Variants in POC1A observed in about 807,000 individuals in gnomAD.
POC1A encodes POC1 centriolar protein homolog A.
In POC1A, 34 loss-of-function variants were observed where a neutral mutation model predicts 47.8. That is an observed-to-expected ratio of 0.71 (90% CI 0.54 to 0.95). The LOEUF is 0.95. Ranked by LOEUF, POC1A falls within the 40% of genes least tolerant of loss-of-function variation. The pLI is 0.00. For missense variants in POC1A, 466 were observed against 528.3 expected, an observed-to-expected ratio of 0.88 and a Z score of 1.16; for synonymous variants, 177 against 207.6, an observed-to-expected ratio of 0.85 and a Z score of 1.27.
At position 52,147,060 on chromosome 3, in the gene POC1A, C is replaced by T. The variant is rs1034639666; in HGVS notation, c.491G>A (p.Ser164Asn). Residue 164 changes from serine to asparagine, a missense_variant, in exon 5 of 11, where the codon AGT becomes AAT. Physicochemically the swap from Ser to Asn is conservative, Grantham distance 46. Transcript: ENST00000296484. ...CCACAGCTTAACAGTCTTGTCATCACTGGCAGACACGATGAGCCGCCCGTC... is the reference window on the plus strand; with the variant it reads ...CCACAGCTTAACAGTCTTGTCATCATTGGCAGACACGATGAGCCGCCCGTC... ...SPDGRLIVSA[S>N]DDKTVKLWDK... 2 of 1,614,174 alleles carry T rather than the reference C, an allele frequency of 1.2e-6. No homozygotes were observed. Among genetic ancestry groups the T allele is most frequent in the Non-Finnish European group, 1.7e-6 (2 of 1,180,030 alleles).
At chr3:52,132,487 C>T (rs113458313) in intron 7 of POC1A, among the ~76,000 whole-genome samples, 1 of 152,218 alleles carries the variant, frequency 6.6e-6, no homozygotes, top group Non-Finnish European at 1.5e-5. Context: ...AAAGGTGACC[C>T]ATACAGGCTC....
intron 9 of POC1A, among the ~76,000 whole-genome samples, chr3:52,097,609 C>T (rs1702865760): frequency 6.6e-6 from 1 of 152,198 alleles, no homozygotes. Flanking sequence ...GAATGTGGTT[C>T]AGCACATGGA....
intron 9 of POC1A, among the ~76,000 whole-genome samples, chr3:52,101,452 C>G (rs1181279860): frequency 6.6e-6 from 1 of 152,020 alleles, no homozygotes; most frequent in Admixed American, 6.5e-5. Context: ...ACTCAGATGA[C>G]CTAGATGTTG....
intron 9 of POC1A, among the ~76,000 whole-genome samples, chr3:52,098,457 T>C (rs1193517254): frequency 6.6e-6 from 1 of 152,096 alleles, no homozygotes; most frequent in Non-Finnish European, 1.5e-5. Context: ...ACCACTGACT[T>C]TAGCAATAGA....
intron 9 of POC1A, among the ~76,000 whole-genome samples, chr3:52,098,979 A>T (rs1702908120): frequency 6.6e-6 from 1 of 152,212 alleles, no homozygotes; most frequent in Non-Finnish European, 1.5e-5. Context: ...ATCTGAACCC[A>T]AAGTGCAGGC....
At chr3:52,129,987 C>T (rs1704149402) in intron 7 of POC1A, among the ~76,000 whole-genome samples, 1 of 152,298 alleles carries the variant, frequency 6.6e-6, no homozygotes, top group Admixed American at 6.5e-5. Context: ...GTCGTGCTGG[C>T]TCTCGCTCTG....
chr3:52,118,380 C>T (rs904841295), intron 9 of POC1A, among the ~76,000 whole-genome samples: 2 of 152,174 alleles, frequency 1.3e-5, no homozygotes, highest in African/African-American at 2.4e-5. Context: ...TGGGAAATGG[C>T]TTTTGCTTTT....
At chr3:52,091,693 G>C (rs2106957525) in intron 10 of POC1A, among the ~76,000 whole-genome samples, 2 of 152,284 alleles carry the variant, frequency 1.3e-5, no homozygotes, top group East Asian at 3.9e-4. Context: ...AGCGGTATGG[G>C]GACTGTGGAA....
At chr3:52,092,772 A>T (rs1412864917) in intron 10 of POC1A, among the ~76,000 whole-genome samples, 3 of 152,198 alleles carry the variant, frequency 2.0e-5, no homozygotes, top group African/African-American at 7.2e-5. Context: ...GGATTTTATA[A>T]AAAAGGCTTT....
chr3:52,107,180 C>T (rs533391500), intron 9 of POC1A, among the ~76,000 whole-genome samples: 1 of 152,348 alleles, frequency 6.6e-6, no homozygotes, highest in East Asian at 1.9e-4. Context: ...GGGTTCAGAG[C>T]GGGCTGGAAA....
intron 10 of POC1A, among the ~76,000 whole-genome samples, chr3:52,095,685 T>A (rs1200804512): frequency 6.6e-6 from 1 of 152,124 alleles, no homozygotes; most frequent in Non-Finnish European, 1.5e-5. Flanking sequence ...AACCTCTAAA[T>A]CCTGCCTTGC....
intron 7 of POC1A, among the ~76,000 whole-genome samples, chr3:52,136,561 C>T (rs544719067): frequency 6.6e-6 from 1 of 152,178 alleles, no homozygotes; most frequent in Non-Finnish European, 1.5e-5. Context: ...GAACAGAGGT[C>T]GTTGGTTCGT....
intron 7 of POC1A, among the ~76,000 whole-genome samples, chr3:52,137,822 G>C (rs1391954662): frequency 2.0e-5 from 3 of 152,188 alleles, no homozygotes; most frequent in African/African-American, 7.2e-5. Flanking sequence ...GGGCCTCCAG[G>C]AAACCCTGAT....
chr3:52,110,263 G>A (rs974968632), intron 9 of POC1A, among the ~76,000 whole-genome samples: 8 of 152,204 alleles, frequency 5.3e-5, no homozygotes, highest in Admixed American at 5.2e-4. Flanking sequence ...GAGCGGGGCT[G>A]CTCCAGGTAG....
At chr3:52,152,273 T>TA (rs1239085838) in intron 1 of POC1A, among the ~76,000 whole-genome samples, 2 of 151,632 alleles carry the variant, frequency 1.3e-5, no homozygotes, top group Admixed American at 1.3e-4. Flanking sequence ...AGACCCTGAC[T>TA]AAAAAAAAGT....
chr3:52,122,566 A>T, intron 8 of POC1A, 89 bp from the exon 9 acceptor site: 1 of 837,004 alleles, frequency 1.2e-6, no homozygotes, highest in Non-Finnish European at 2.0e-6. Context: ...GGCCATGCCC[A>T]AAGTTCTGAG....
intron 6 of POC1A, among the ~76,000 whole-genome samples, chr3:52,141,433 T>A (rs901341007): frequency 1.3e-5 from 2 of 152,230 alleles, no homozygotes; most frequent in Non-Finnish European, 2.9e-5. Flanking sequence ...TCTCTTGCGA[T>A]GCGCAACTGA....
Position 52,145,936 on chromosome 3 carries a change from G to A in POC1A, c.589C>T (p.Pro197Ser), listed in dbSNP as rs372698665. ...GGFVTYVDFHPSGTCIAAAGM... is the reference protein window; with the variant it reads ...GGFVTYVDFHSSGTCIAAAGM... ...GCAGCGGCAATGCACGTCCCACTGG[G>A]GTGGAAGTCCACATAGGTGACAAAG... The change falls in exon 6 of 11, where the codon CCC (proline) becomes TCC (serine). Residue 197 changes from proline (P) to serine (S), a missense_variant. Pro to Ser is a moderately conservative substitution (Grantham distance 74). Coordinates refer to ENST00000296484, the MANE Select transcript of POC1A (RefSeq NM_015426.5). 38 of 1,613,204 alleles carry A rather than the reference G, an allele frequency of 2.4e-5. No homozygotes were observed. The South Asian group carries it at 4.0e-4, about 17-fold the overall frequency.
At chr3:52,153,138 T>G (rs545827404) in intron 1 of POC1A, among the ~76,000 whole-genome samples, 1 of 152,226 alleles carries the variant, frequency 6.6e-6, no homozygotes, top group Non-Finnish European at 1.5e-5. Context: ...ACTACTGAAA[T>G]GTACACTTTA....
Sources: allele counts gnomAD v4.1 joint callset (sites outside exome capture counted in the v4.1 genomes callset), GRCh38; gene constraint gnomAD v4.1.1; transcripts MANE v1.5; gene names NCBI Gene and HGNC (gene_info 2026-07-23, HGNC 2026-07-21).